TTC23L: variants seen among roughly 807,000 people sequenced by gnomAD.
The protein encoded by TTC23L is tetratricopeptide repeat domain 23 like.
TTC23L carries 42 observed loss-of-function variants against 48.1 expected under a neutral mutation model. The observed-to-expected ratio is 0.87, with a 90% confidence interval of 0.68 to 1.13. TTC23L has a LOEUF of 1.13. Among genes scored for constraint, TTC23L ranks in the 50% most tolerant of loss-of-function variants. The pLI, the probability that TTC23L is intolerant of heterozygous loss-of-function variation, is 0.00. For synonymous variants in TTC23L, 159 were observed against 157.2 expected (o/e 1.01, Z -0.09); for missense variants, 391 against 421.0 (o/e 0.93, Z 0.62).
At chr5:34,894,726 G>A (rs1483578620) in intron 9 of TTC23L, among the ~76,000 whole-genome samples, 4 of 152,114 alleles carry the variant, frequency 2.6e-5, no homozygotes, top group Admixed American at 2.0e-4. Flanking sequence ...TGGACAAATC[G>A]CTTTACTTCT....
chr5:34,872,351 T>C (rs1373033349), intron 8 of TTC23L, among the ~76,000 whole-genome samples: 1 of 152,104 alleles, frequency 6.6e-6, no homozygotes, highest in Non-Finnish European at 1.5e-5. Context: ...ATTACAAAAA[T>C]AAAAGCAAAG....
chr5:34,904,745 C>G, the TTC23L span, among the ~76,000 whole-genome samples: 1 of 152,100 alleles, frequency 6.6e-6, no homozygotes, highest in Non-Finnish European at 1.5e-5. Flanking sequence ...CGTAGTCAGC[C>G]ACGGCAACCA....
the TTC23L span, among the ~76,000 whole-genome samples, chr5:34,912,297 A>G: frequency 6.6e-6 from 1 of 152,202 alleles, no homozygotes; most frequent in African/African-American, 2.4e-5. Flanking sequence ...TATTTCCTCG[A>G]ATTTAAAAAT....
At chr5:34,901,253 G>GA (rs1178847341), downstream of TTC23L, among the ~76,000 whole-genome samples, 1 of 151,232 alleles carries the variant, frequency 6.6e-6, no homozygotes, top group Non-Finnish European at 1.5e-5. Flanking sequence ...TGTATTTATT[G>GA]AAAAAAATCT....
exon 9 of TTC23L, chr5:34,880,182 T>G: frequency 6.2e-7 from 1 of 1,605,600 alleles, no homozygotes; most frequent in Non-Finnish European, 8.5e-7. Context: ...TTTTTCCAGA[T>G]GCTGTTGAGA....
the TTC23L span, chr5:34,923,263 C>G: frequency 6.9e-7 from 1 of 1,455,520 alleles, no homozygotes; most frequent in South Asian, 1.1e-5. Flanking sequence ...TTAATTATAC[C>G]TTTTTTTTAA....
In TTC23L at chr5:34,841,771, C is replaced by G. The variant is rs779146544; in HGVS notation, c.68+1032C>G. Among the ~76,000 whole-genome samples, 7 of 152,326 alleles carry G rather than the reference C, an allele frequency of 4.6e-5. No individual in the cohort carries two copies. The South Asian group carries it at 1.2e-3, about 27-fold the overall frequency. On this transcript the variant is annotated intron_variant, in intron 2 of 10. Transcript: ENST00000505624. ...GGCTCAAGTGATCCTCCTGCCTCAGCCTCTCAAAGTGCTGGGATTACAGGC... is the reference window on the plus strand; with the variant it reads ...GGCTCAAGTGATCCTCCTGCCTCAGGCTCTCAAAGTGCTGGGATTACAGGC...
At chr5:34,872,581 G>A (rs1761543396) in intron 8 of TTC23L, among the ~76,000 whole-genome samples, 1 of 152,072 alleles carries the variant, frequency 6.6e-6, no homozygotes, top group Non-Finnish European at 1.5e-5. Context: ...ACTAGTAGGA[G>A]TGAGTGTAAA....
chr5:34,869,002 C>T, exon 8 of TTC23L: 1 of 1,606,158 alleles, frequency 6.2e-7, no homozygotes, highest in Non-Finnish European at 8.5e-7. Context: ...TCTGGAGAGG[C>T]CCAGCACAGG....
chr5:34,875,806 TGAC>T (rs1249669820), intron 8 of TTC23L, among the ~76,000 whole-genome samples: 1 of 152,168 alleles, frequency 6.6e-6, no homozygotes, highest in East Asian at 1.9e-4. Context: ...TGACATCTAT[TGAC>T]TACTGTATCC....
intron 4 of TTC23L, among the ~76,000 whole-genome samples, chr5:34,852,292 A>G (rs944191980): frequency 1.3e-5 from 2 of 152,200 alleles, no homozygotes; most frequent in Non-Finnish European, 2.9e-5. Context: ...AAAACTCGTT[A>G]CACAGAATAT....
chr5:34,916,520 C>T, the TTC23L span: 1 of 152,202 alleles, frequency 6.6e-6, no homozygotes, highest in Admixed American at 6.5e-5. Context: ...TGACCTCTTC[C>T]TCCTGAAATG....
At chr5:34,882,000 C>T (rs532140963) in intron 9 of TTC23L, among the ~76,000 whole-genome samples, 3 of 152,156 alleles carry the variant, frequency 2.0e-5, no homozygotes, top group East Asian at 1.9e-4. Flanking sequence ...AGTGACCGCC[C>T]GCCTCGGCCT....
intron 2 of TTC23L, among the ~76,000 whole-genome samples, chr5:34,844,309 G>A (rs770549627): frequency 8.1e-6 from 1 of 122,708 alleles, no homozygotes; most frequent in Non-Finnish European, 1.7e-5. Context: ...GTTTGCCCAC[G>A]TGCCTCTTGA....
At chr5:34,888,311 GA>G (rs1762659334) in intron 9 of TTC23L, 2 of 176,992 alleles carry the variant, frequency 1.1e-5, no homozygotes, top group Non-Finnish European at 2.2e-5. Context: ...ATCAGCTTAG[GA>G]AACAAATGAA....
At chr5:34,846,667 ATG>A (rs869123650) in intron 3 of TTC23L, among the ~76,000 whole-genome samples, 3,343 of 66,238 alleles carry the variant, frequency 0.05, 74 homozygotes, top group Middle Eastern at 0.087. Context: ...ATATGTGTGT[ATG>A]TGTGTGTGTG....
the TTC23L span, chr5:34,914,737 T>G: frequency 6.2e-7 from 1 of 1,614,266 alleles, no homozygotes; most frequent in South Asian, 1.1e-5. Context: ...CATTTTCCAC[T>G]GTTACTTTGA....
At chr5:34,890,120 T>C (rs1174895694) in intron 9 of TTC23L, among the ~76,000 whole-genome samples, 1 of 151,764 alleles carries the variant, frequency 6.6e-6, no homozygotes, top group African/African-American at 2.4e-5. Context: ...TTATCTTCCA[T>C]GTTCAGGTGA....
chr5:34,845,795 A>G, intron 3 of TTC23L, 122 bp downstream of exon 3: 1 of 1,055,580 alleles, frequency 9.5e-7, no homozygotes, highest in Non-Finnish European at 1.3e-6. Context: ...ATTTCTTTGT[A>G]AGTAGCAGAA....
Sources: gnomAD v4.1 joint callset for allele counts (sites outside exome capture counted in the v4.1 genomes callset) on GRCh38, gnomAD v4.1.1 for gene constraint, MANE v1.5 for transcripts, NCBI Gene and HGNC (gene_info 2026-07-23, HGNC 2026-07-21) for gene names.